The following PHEX variants were observed in gnomAD, a reference collection of about 807,000 sequenced individuals.
PHEX encodes the protein phosphate regulating endopeptidase X-linked, also known as phosphate-regulating neutral endopeptidase PHEX.
In PHEX, 16 loss-of-function variants were observed where a neutral mutation model predicts 68.0. That is an observed-to-expected ratio of 0.24 (90% CI 0.16 to 0.36). The LOEUF (loss-of-function observed/expected upper bound fraction) is 0.36, where lower values mean the gene tolerates loss of function less well. Ranked by LOEUF, PHEX falls within the 10% of genes least tolerant of loss-of-function variation. The probability of loss-of-function intolerance (pLI) is 1.00; values close to 1 mark genes in which losing one functional copy is unlikely to be tolerated. For synonymous variants in PHEX, 208 were observed against 205.1 expected (o/e 1.01, Z -0.12); for missense variants, 480 against 575.5 (o/e 0.83, Z 1.70).
At chrX:22,176,481 G>A (rs188472476) in intron 13 of PHEX, among the ~76,000 whole-genome samples, 131 of 106,923 alleles carry the variant, frequency 1.2e-3, no homozygotes, top group African/African-American at 4.4e-3. Flanking sequence ...TGGAACATGA[G>A]TAAAATAATT....
At chrX:22,203,241 G>T (rs767583537) in intron 15 of PHEX, among the ~76,000 whole-genome samples, 3 of 110,713 alleles carry the variant, frequency 2.7e-5, no homozygotes, top group Non-Finnish European at 5.7e-5. Flanking sequence ...GCAGCCTAAA[G>T]GTAATTATGG....
At position 22,131,978 on chromosome X, in the gene PHEX, G is replaced by A. The variant is rs189191595; in HGVS notation, c.1303-1545G>A. 7.1e-5 allele frequency among the ~76,000 whole-genome samples: 8 copies of A among 112,158 alleles called. No homozygotes were observed. In the East Asian group the frequency reaches 1.4e-3, roughly 20 times the overall value. The stretch of plus-strand genomic sequence containing the variant: ...TCCTCTCTTCTGGTCCACAGACACC[G>A]GCAGCAAAGCCAGGCACGTACATCC... On this transcript the variant is annotated intron_variant, in intron 11 of 21. Transcript: ENST00000379374.
At chrX:22,219,192 G>A in intron 17 of PHEX, 89 bp downstream of exon 17, 1 of 641,850 alleles carries the variant, frequency 1.6e-6, no homozygotes, top group Non-Finnish European at 2.6e-6. Flanking sequence ...TTGCATAGCA[G>A]CAGCATCATA....
intron 9 of PHEX, among the ~76,000 whole-genome samples, chrX:22,101,552 T>G (rs1930428160): frequency 8.9e-6 from 1 of 112,010 alleles, no homozygotes; most frequent in Admixed American, 9.5e-5. Context: ...AAGAGAGCTT[T>G]CTTCTAAATA....
At chrX:22,163,249 A>T (rs987941044) in intron 12 of PHEX, 4 of 111,807 alleles carry the variant, frequency 3.6e-5, no homozygotes, top group Non-Finnish European at 7.5e-5. Flanking sequence ...CTTAAATGTC[A>T]TTGGCCCGAA....
chrX:22,201,656 T>A (rs1458425420), intron 15 of PHEX, among the ~76,000 whole-genome samples: 1 of 111,777 alleles, frequency 8.9e-6, no homozygotes, highest in Non-Finnish European at 1.9e-5. Flanking sequence ...TGCAGTCTCA[T>A]GGGATTCCTG....
chrX:22,224,947 A>AATTATCATACAGCGCTTTATGATTT (rs1935400675), intron 18 of PHEX, among the ~76,000 whole-genome samples: 1 of 23,245 alleles, frequency 4.3e-5, no homozygotes, highest in Admixed American at 4.9e-4. Context: ...AAATAACATA[A>AATTATCATACAGCGCTTTATGATTT]ATTATCATAC....
At position 22,111,438 on chromosome X, in the gene PHEX, A is replaced by C. The variant is rs764499589; in HGVS notation, c.1080-29A>C. On this transcript the variant is annotated intron_variant, in intron 9 of 21. Coordinates refer to ENST00000379374, the MANE Select transcript of PHEX (RefSeq NM_000444.6). ...AGCATCAGATATTGACCTAAAATAC[A>C]ATAAATGGGCATCTCTCTCTGTTAA... The C allele has an allele frequency of 2.7e-6, 3 of 1,091,238 alleles. No individual in the cohort carries two copies. In the African/African-American group the frequency reaches 5.4e-5, roughly 20 times the overall value. 89.9% of individuals were successfully genotyped at this position (1,091,238 alleles called of 1,213,427 possible).
chrX:22,136,692 C>A (rs1932246263), intron 12 of PHEX, among the ~76,000 whole-genome samples: 1 of 111,822 alleles, frequency 8.9e-6, no homozygotes, highest in Non-Finnish European at 1.9e-5. Context: ...TGTTCTGAGG[C>A]CTAATACCTT....
chrX:22,193,494 GTTGT>G (rs1201674013), intron 15 of PHEX, among the ~76,000 whole-genome samples: 1 of 111,470 alleles, frequency 9.0e-6, no homozygotes, highest in African/African-American at 3.3e-5. Context: ...TAAAGAATAT[GTTGT>G]TTATTTTTAC....
intron 3 of PHEX, among the ~76,000 whole-genome samples, chrX:22,053,974 A>T (rs1349929633): frequency 1.8e-5 from 2 of 111,308 alleles, no homozygotes; most frequent in African/African-American, 6.5e-5. Context: ...TCCTAGCCAA[A>T]TCATCTTTTG....
At chrX:22,124,963 T>C (rs189630977) in intron 11 of PHEX, among the ~76,000 whole-genome samples, 1 of 112,142 alleles carries the variant, frequency 8.9e-6, no homozygotes, top group East Asian at 2.8e-4. Context: ...CTAACTATCC[T>C]TAGTTCTTCT....
intron 12 of PHEX, among the ~76,000 whole-genome samples, chrX:22,142,108 C>T (rs1014647414): frequency 2.7e-5 from 3 of 111,085 alleles, no homozygotes; most frequent in African/African-American, 6.6e-5. Flanking sequence ...AAAAATTAGC[C>T]GGGTGTGGTG....
At chrX:22,125,158 CAATTGCCAGAAAGAA>C (rs1168303835) in intron 11 of PHEX, among the ~76,000 whole-genome samples, 2 of 111,644 alleles carry the variant, frequency 1.8e-5, no homozygotes, top group Non-Finnish European at 3.8e-5. Context: ...AGTAAAGTGA[CAATTGCCAGAAAGAA>C]AATTTTAAGA....
intron 2 of PHEX, among the ~76,000 whole-genome samples, chrX:22,041,265 C>CTCTCTCTCTCTCTCTA (rs1468778300): frequency 2.1e-4 from 15 of 72,809 alleles, no homozygotes; most frequent in African/African-American, 8.9e-4. Flanking sequence ...CTCTCTCTCT[C>CTCTCTCTCTCTCTCTA]TATATATATA....
At chrX:22,126,225 T>C (rs1226029364) in intron 11 of PHEX, among the ~76,000 whole-genome samples, 1 of 112,377 alleles carries the variant, frequency 8.9e-6, no homozygotes, top group Non-Finnish European at 1.9e-5. Flanking sequence ...TCTCAAAGCT[T>C]ATGGGTCTTG....
chrX:22,112,786 C>T (rs1019041665), intron 10 of PHEX, among the ~76,000 whole-genome samples: 1 of 109,992 alleles, frequency 9.1e-6, no homozygotes, highest in Non-Finnish European at 1.9e-5. Context: ...ACCTGTGGTC[C>T]CAGCTACTCG....
At chrX:22,182,651 G>A (rs1933916590) in intron 14 of PHEX, among the ~76,000 whole-genome samples, 1 of 110,291 alleles carries the variant, frequency 9.1e-6, no homozygotes, top group Non-Finnish European at 1.9e-5. Context: ...TGTTCCTGCA[G>A]GGAGGACACT....
intron 3 of PHEX, among the ~76,000 whole-genome samples, chrX:22,057,554 G>A (rs969491099): frequency 9.1e-6 from 1 of 110,219 alleles, no homozygotes; most frequent in East Asian, 2.8e-4. Flanking sequence ...CTGCACAACT[G>A]CACTTCATCC....
Sources: allele counts gnomAD v4.1 joint callset (sites outside exome capture counted in the v4.1 genomes callset), GRCh38; gene constraint gnomAD v4.1.1; transcripts MANE v1.5; gene names NCBI Gene and HGNC (gene_info 2026-07-23, HGNC 2026-07-21).